The following PEMT variants were observed in gnomAD, a reference collection of about 807,000 sequenced individuals.
PEMT encodes phospholipid methyltransferase.
PEMT carries 23 observed loss-of-function variants against 27.4 expected under a neutral mutation model. That is an observed-to-expected ratio of 0.84 (90% CI 0.60 to 1.19). The LOEUF is 1.19. Ranked by LOEUF, PEMT falls within the 50% of genes most tolerant of loss-of-function variation. PEMT has a pLI of 0.00. For synonymous variants in PEMT, 137 were observed against 139.1 expected (o/e 0.98, Z 0.11); for missense variants, 307 against 310.1 (o/e 0.99, Z 0.07).
At chr17:17,547,613 T>G (rs1436214820) in intron 2 of PEMT, among the ~76,000 whole-genome samples, 2 of 152,040 alleles carry the variant, frequency 1.3e-5, no homozygotes. Flanking sequence ...CCTGCATGGC[T>G]CCCCCAGCCC....
At chr17:17,564,701 C>A (rs1198035018) in intron 2 of PEMT, among the ~76,000 whole-genome samples, 2 of 152,220 alleles carry the variant, frequency 1.3e-5, no homozygotes, top group Non-Finnish European at 2.9e-5. Context: ...CCTCTGCTCC[C>A]ACAGCTGCCC....
At chr17:17,515,137 A>C (rs1597875578) in intron 3 of PEMT, among the ~76,000 whole-genome samples, 2 of 151,780 alleles carry the variant, frequency 1.3e-5, no homozygotes, top group Non-Finnish European at 2.9e-5. Flanking sequence ...TGTCGCTCTT[A>C]CCCCCTCCTG....
rs192459603 is a variant in PEMT at position 17,561,318 on chromosome 17, C to G, written c.204+15602G>C. On this transcript the variant is annotated intron_variant, in intron 2 of 6. Coordinates refer to ENST00000255389, the MANE Select transcript of PEMT (RefSeq NM_148172.3). This position sits in a 1 kb window ranked among gnomAD's most constrained non-coding sequence, Gnocchi z 4.5. ...TTTCACAGTTAAGAACGCCAAGGCA[C>G]GAAGCTTAGCACAGTGAATGGCCAG... 6.6e-6 allele frequency among the ~76,000 whole-genome samples: 1 copy of G among 152,172 alleles called. No individual in the cohort carries two copies. The highest frequency in any genetic ancestry group is 1.5e-5 in the Non-Finnish European group (1 of 68,032).
At chr17:17,545,281 G>A (rs770726231) in intron 2 of PEMT, among the ~76,000 whole-genome samples, 20 of 152,184 alleles carry the variant, frequency 1.3e-4, no homozygotes, top group Non-Finnish European at 2.4e-4. Flanking sequence ...GCCCCTCACC[G>A]TCCTGGCGTC....
chr17:17,565,835 G>A (rs1480604107), intron 2 of PEMT, among the ~76,000 whole-genome samples: 1 of 152,266 alleles, frequency 6.6e-6, no homozygotes, highest in Non-Finnish European at 1.5e-5. Context: ...GGGGCTAAGT[G>A]AAAGTGCTTG....
intron 2 of PEMT, among the ~76,000 whole-genome samples, chr17:17,563,834 C>A (rs144314899): frequency 6.6e-6 from 1 of 152,330 alleles, no homozygotes; most frequent in East Asian, 1.9e-4. Context: ...CAGCACAGCC[C>A]CACCCACCTC....
intron 2 of PEMT, among the ~76,000 whole-genome samples, chr17:17,558,013 G>A (rs1910182347): frequency 1.3e-5 from 2 of 152,188 alleles, no homozygotes; most frequent in South Asian, 2.1e-4. Context: ...CCTGCTGCAG[G>A]ACAGTCAGAG....
chr17:17,555,848 G>A (rs1433530509), intron 2 of PEMT, among the ~76,000 whole-genome samples: 6 of 152,218 alleles, frequency 3.9e-5, no homozygotes. Context: ...GGTGGGGCAG[G>A]CAGAGTGGCT....
rs535590616 is a variant in PEMT, at chr17:17,520,995, C to T, written c.320+1285G>A. On this transcript the variant is annotated intron_variant, in intron 3 of 6. Coordinates refer to ENST00000255389, the MANE Select transcript of PEMT (RefSeq NM_148172.3). ...CCACCAGCAAGGCCTGCCCCGGCTC[C>T]GCACGTGCTGGCATGGAGCATTCGC... Among the ~76,000 whole-genome samples, 18 of 152,376 alleles carry T rather than the reference C, an allele frequency of 1.2e-4. No homozygotes were observed. The East Asian group carries it at 3.1e-3, about 26-fold the overall frequency.
intron 2 of PEMT, among the ~76,000 whole-genome samples, chr17:17,535,169 C>G (rs915650348): frequency 6.6e-6 from 1 of 152,064 alleles, no homozygotes; most frequent in African/African-American, 2.4e-5. Flanking sequence ...CTTGGCTTCT[C>G]AAAGTGCTGG....
chr17:17,577,829 A>G (rs1413131616), intron 1 of PEMT, among the ~76,000 whole-genome samples: 1 of 152,020 alleles, frequency 6.6e-6, no homozygotes, highest in East Asian at 1.9e-4. Context: ...CATCCTGGCT[A>G]ACACGGTGAA....
At chr17:17,537,512 C>T (rs1162860036) in intron 2 of PEMT, among the ~76,000 whole-genome samples, 1 of 152,248 alleles carries the variant, frequency 6.6e-6, no homozygotes, top group East Asian at 1.9e-4. Context: ...CAGCAGCCTG[C>T]AGGGGCCTTC....
chr17:17,569,519 G>C (rs942198095), intron 2 of PEMT, among the ~76,000 whole-genome samples: 2 of 152,286 alleles, frequency 1.3e-5, no homozygotes, highest in East Asian at 1.9e-4. Context: ...ACAAACAAAG[G>C]CACCAGGAAG....
chr17:17,537,864 C>A (rs1908597366), intron 2 of PEMT, among the ~76,000 whole-genome samples: 1 of 152,336 alleles, frequency 6.6e-6, no homozygotes, highest in East Asian at 1.9e-4. Flanking sequence ...CGCCACTCAG[C>A]CTTCCAGGAG....
chr17:17,591,975 C>T, upstream of PEMT: 2 of 985,418 alleles, frequency 2.0e-6, no homozygotes, highest in Non-Finnish European at 2.4e-6. Flanking sequence ...ACCTGGCGTC[C>T]CTGCCCTTGC....
intron 2 of PEMT, among the ~76,000 whole-genome samples, chr17:17,552,642 C>G (rs890627589): frequency 6.6e-6 from 1 of 152,228 alleles, no homozygotes; most frequent in East Asian, 1.9e-4. Context: ...GGTGGCCCTG[C>G]GTGGAGATGC....
chr17:17,546,251 A>T (rs1024273392), intron 2 of PEMT, among the ~76,000 whole-genome samples: 1 of 152,206 alleles, frequency 6.6e-6, no homozygotes, highest in Admixed American at 6.5e-5. Flanking sequence ...GCACCTGTGG[A>T]GAAGGGCATG....
rs766552294 is a variant in PEMT, at chr17:17,507,169, C to T, written c.579-868G>A. 3 of 1,561,200 alleles carry T rather than the reference C, an allele frequency of 1.9e-6. No homozygotes were observed. In the Admixed American group the frequency reaches 5.7e-5, roughly 30 times the overall value. ...TCCCCCAATCTATTTCTATAGTTAC[C>T]TCTGATCCCACAGCTCCCGCAGGTG... On this transcript the variant is annotated intron_variant, in intron 5 of 6. Coordinates refer to ENST00000255389, the MANE Select transcript of PEMT (RefSeq NM_148172.3).
intron 2 of PEMT, among the ~76,000 whole-genome samples, chr17:17,554,940 A>G (rs1043652940): frequency 6.6e-6 from 1 of 152,110 alleles, no homozygotes; most frequent in Admixed American, 6.6e-5. Flanking sequence ...AAGGTCCCAC[A>G]GCACAGAAGT....
Sources: allele counts gnomAD v4.1 joint callset (sites outside exome capture counted in the v4.1 genomes callset), GRCh38; gene constraint gnomAD v4.1.1; non-coding constraint Gnocchi (gnomAD v3.1); transcripts MANE v1.5; gene names NCBI Gene and HGNC (gene_info 2026-07-23, HGNC 2026-07-21).